PARP15: variants seen among roughly 807,000 people sequenced by gnomAD.
The protein encoded by PARP15 is protein mono-ADP-ribosyltransferase PARP15.
Under a neutral mutation model 62.1 loss-of-function variants are expected in PARP15, and 50 were observed. That is an observed-to-expected ratio of 0.81 (90% CI 0.64 to 1.02). The LOEUF is 1.02. PARP15 is among the 50% of genes least tolerant of loss of function. The probability of loss-of-function intolerance (pLI) is 0.00; values close to 1 mark genes in which losing one functional copy is unlikely to be tolerated. For missense variants in PARP15, 820 were observed against 826.5 expected, an observed-to-expected ratio of 0.99 and a Z score of 0.10; for synonymous variants, 309 against 293.1, an observed-to-expected ratio of 1.05 and a Z score of -0.55.
At chr3:122,587,461 G>T (rs1933536248) in intron 1 of PARP15, among the ~76,000 whole-genome samples, 1 of 152,198 alleles carries the variant, frequency 6.6e-6, no homozygotes, top group African/African-American at 2.4e-5. Flanking sequence ...AGCATTTGGT[G>T]TTGCCAATGT....
chr3:122,590,822 C>G (rs1933851544), intron 1 of PARP15, among the ~76,000 whole-genome samples: 1 of 152,166 alleles, frequency 6.6e-6, no homozygotes, highest in Admixed American at 6.5e-5. Flanking sequence ...ACCCAGTCTT[C>G]TTTCTGAATA....
chr3:122,610,730 G>T lies in PARP15; in HGVS notation c.543G>T (p.Gln181His). Residue 181 changes from glutamine (Q) to histidine (H), a missense_variant and splice_region_variant, in exon 3 of 12, where the codon CAG (glutamine) becomes CAT (histidine). Around this residue, in one of 3 missense-constraint regions of PARP15, gnomAD observed 731 missense variants for 727.7 expected, o/e 1.00. Coordinates refer to ENST00000464300, the MANE Select transcript of PARP15 (RefSeq NM_001113523.3). ...ATAATGGAGCAGAGACTTCTTGGCA[G>T]GTAGGGAACGCTCTTAGTTCTCCAA... ...YWNNGAETSWQIMANIIKKCL... is the reference protein window; with the variant it reads ...YWNNGAETSWHIMANIIKKCL... The T allele has an allele frequency of 6.6e-7, 1 of 1,505,846 alleles. No individual in the cohort carries two copies. The highest frequency in any genetic ancestry group is 1.3e-5 in the South Asian group (1 of 74,982). The allele number at this position is 1,505,846 out of a possible 1,614,324, so 93.3% of individuals were successfully genotyped here. A position where few individuals can be genotyped will look rare whatever the true frequency, so the allele number is the denominator to read the frequency against.
At chr3:122,590,599 T>G (rs113258690) in intron 1 of PARP15, among the ~76,000 whole-genome samples, 225 of 152,318 alleles carry the variant, frequency 1.5e-3, no homozygotes, top group Middle Eastern at 3.4e-3. Flanking sequence ...AAGCAAAGTA[T>G]ACATATCAGT....
At chr3:122,586,395 A>G (rs1363237186) in intron 1 of PARP15, among the ~76,000 whole-genome samples, 1 of 152,032 alleles carries the variant, frequency 6.6e-6, no homozygotes, top group Admixed American at 6.6e-5. Context: ...GCTTTTTTAT[A>G]GATGAAGACT....
chr3:122,594,230 G>A (rs149201918), intron 1 of PARP15, among the ~76,000 whole-genome samples: 75 of 152,260 alleles, frequency 4.9e-4, no homozygotes, highest in African/African-American at 1.6e-3. Context: ...GAGCCAAGGA[G>A]TTTAAGGTTA....
intron 10 of PARP15, among the ~76,000 whole-genome samples, chr3:122,633,363 A>G (rs1937167919): frequency 6.6e-6 from 1 of 152,198 alleles, no homozygotes; most frequent in Non-Finnish European, 1.5e-5. Context: ...GAAGGACAGA[A>G]TTTAAAGGAG....
rs1340173745 is a variant in PARP15 at position 122,610,601 on chromosome 3, T to A, written c.414T>A (p.Asp138Glu). The change falls in exon 3 of 12, where the codon GAT becomes GAA. Residue 138 changes from aspartate to glutamate, a missense_variant. This residue lies in a region of PARP15 where 731 missense variants were observed against 727.7 expected (regional missense o/e 1.00). Coordinates refer to ENST00000464300, the MANE Select transcript of PARP15 (RefSeq NM_001113523.3). The stretch of plus-strand genomic sequence containing the variant: ...GTCCCATGCTCCAGAAAGAGTTAGA[T>A]GACAGAAGGCGGGAAACAGAGGAAA... ...KAGPMLQKEL[D>E]DRRRETEEKV... is the part of the protein sequence containing the mutation. 1.9e-6 allele frequency: 3 copies of A among 1,551,752 alleles called. No homozygotes were observed. In the South Asian group the frequency reaches 3.6e-5, roughly 18 times the overall value.
rs765219950 is a variant in PARP15, at chr3:122,617,134, T to G, written c.970T>G (p.Ser324Ala). 2.6e-5 allele frequency: 42 copies of G among 1,613,462 alleles called. 1 individual carries two copies. The South Asian group carries it at 4.4e-4, about 17-fold the overall frequency. The change falls in exon 6 of 12, where the codon TCA (serine) becomes GCA (alanine). Residue 324 changes from serine (S) to alanine (A), a missense_variant. By Grantham distance (99) the Ser-to-Ala change is moderately conservative. Transcript: ENST00000464300. ...ATEQVDVIVN[S>A]TARTFNRKSG... Reference sequence around the variant, plus strand: ...TGAACAGGTAGATGTTATTGTAAACTCAACAGCAAGGACATTTAATCGGAA... The same window carrying G: ...TGAACAGGTAGATGTTATTGTAAACGCAACAGCAAGGACATTTAATCGGAA...
rs146287322 is a variant in PARP15, at chr3:122,629,189, A to G, written c.1438+2156A>G. Among the ~76,000 whole-genome samples, 1,386 of 152,112 alleles carry G rather than the reference A, an allele frequency of 9.1e-3. 28 individuals are homozygous for G. The highest frequency in any genetic ancestry group is 0.032 in the African/African-American group (1,323 of 41,492). On this transcript the variant is annotated intron_variant, in intron 9 of 11. Transcript: ENST00000464300. Reference sequence around the variant, plus strand: ...TTTGTTTTTGTTTTTTTGAGACTGAATCTCACTATGTTGCCCAGGCTGGAG... The same window carrying G: ...TTTGTTTTTGTTTTTTTGAGACTGAGTCTCACTATGTTGCCCAGGCTGGAG...
rs548988828 is a variant in PARP15 at position 122,629,534 on chromosome 3, T to A, written c.1438+2501T>A. 2.0e-5 allele frequency among the ~76,000 whole-genome samples: 3 copies of A among 152,288 alleles called. No individual in the cohort carries two copies. The South Asian group carries it at 6.2e-4, about 32-fold the overall frequency. On this transcript the variant is annotated intron_variant, in intron 9 of 11. Transcript: ENST00000464300. Reference sequence around the variant, plus strand: ...TCTTTTAAAACAGTGGTCCCCAAACTTTTTGGGCCCAGGGACCAGTTTCAT... The same window carrying A: ...TCTTTTAAAACAGTGGTCCCCAAACATTTTGGGCCCAGGGACCAGTTTCAT...
chr3:122,605,169 TA>T lies in PARP15; in HGVS notation c.187-766del, dbSNP rs543218530. 5.7e-4 allele frequency among the ~76,000 whole-genome samples: 87 copies of T among 152,286 alleles called. No individual in the cohort carries two copies. In the East Asian group the frequency reaches 0.014, roughly 25 times the overall value. ...GGAGGCAAGGTTGCTGCTGTATTTT[TA>T]TACCAGCTCCTGTCAATCACTGGAT... On this transcript the variant is annotated intron_variant, in intron 1 of 11. Transcript: ENST00000464300.
At chr3:122,633,211 G>A (rs1204218442) in intron 10 of PARP15, among the ~76,000 whole-genome samples, 2 of 152,154 alleles carry the variant, frequency 1.3e-5, no homozygotes, top group African/African-American at 2.4e-5. Flanking sequence ...GGTAGGAGTC[G>A]CATCTTGTTC....
chr3:122,607,792 T>G (rs1935255039), intron 2 of PARP15, among the ~76,000 whole-genome samples: 1 of 152,208 alleles, frequency 6.6e-6, no homozygotes, highest in Admixed American at 6.5e-5. Context: ...CTGAATTCTT[T>G]CTCCTATCCA....
At chr3:122,599,563 TTTCC>T (rs1307526885) in intron 1 of PARP15, among the ~76,000 whole-genome samples, 2 of 152,124 alleles carry the variant, frequency 1.3e-5, no homozygotes, top group Non-Finnish European at 2.9e-5. Context: ...TTTCTTTTTC[TTTCC>T]TTTTCTTCAT....
chr3:122,612,038 T>TTG (rs75081324), intron 3 of PARP15, among the ~76,000 whole-genome samples: 1 of 151,078 alleles, frequency 6.6e-6, no homozygotes, highest in Admixed American at 6.6e-5. Flanking sequence ...TTAGTTGAGA[T>TTG]TCTCTTTCTC....
Position 122,635,073 on chromosome 3 carries a change from G to GATAT in PARP15, c.1626_1627insATAT (p.Gln543IlefsTer8). 1 of 1,614,038 alleles carries GATAT rather than the reference G, an allele frequency of 6.2e-7. No individual in the cohort carries two copies. Among genetic ancestry groups the GATAT allele is most frequent in the Non-Finnish European group, 8.5e-7 (1 of 1,179,960 alleles). On this transcript the variant is annotated frameshift_variant, in exon 11 of 12. Transcript: ENST00000464300. LOFTEE classifies it high-confidence loss of function. Reference sequence around the variant, plus strand: ...GGCAGAGCTACCAGGTAAAGAAAAGGCAAATGGATATCAAGAATGACCATA... The same window carrying GATAT: ...GGCAGAGCTACCAGGTAAAGAAAAGGATATCAAATGGATATCAAGAATGACCATA...
At chr3:122,589,057 G>C (rs1933667826) in intron 1 of PARP15, among the ~76,000 whole-genome samples, 1 of 152,162 alleles carries the variant, frequency 6.6e-6, no homozygotes, top group Admixed American at 6.5e-5. Context: ...CAGTCAGCTT[G>C]GGCTGCTGTA....
chr3:122,619,659 C>A (rs569149692), intron 6 of PARP15, 122 bp from the exon 7 acceptor site: 6 of 798,788 alleles, frequency 7.5e-6, no homozygotes, highest in African/African-American at 6.8e-5. Flanking sequence ...GTTGGTCGGG[C>A]GTGGGGGTGG....
chr3:122,588,357 GAT>G (rs1491387419), intron 1 of PARP15, among the ~76,000 whole-genome samples: 1 of 47,298 alleles, frequency 2.1e-5, no homozygotes, highest in Non-Finnish European at 5.1e-5. Context: ...TTGGTTTATT[GAT>G]TTTTTTTTTT....
Sources: allele counts gnomAD v4.1 joint callset (sites outside exome capture counted in the v4.1 genomes callset), GRCh38; gene constraint gnomAD v4.1.1; regional missense constraint gnomAD v4.1.1; transcripts MANE v1.5; gene names NCBI Gene and HGNC (gene_info 2026-07-23, HGNC 2026-07-21).